KCNN2: variants seen among roughly 807,000 people sequenced by gnomAD.
KCNN2 encodes potassium calcium-activated channel subfamily N member 2.
In KCNN2, 24 loss-of-function variants were observed where a neutral mutation model predicts 55.5. The ratio of observed to expected loss-of-function variants is 0.43; its 90% CI spans 0.31 to 0.61. The LOEUF is 0.61. Ranked by LOEUF, KCNN2 falls within the 20% of genes least tolerant of loss-of-function variation. The pLI is 0.08. For synonymous variants in KCNN2, 431 were observed against 336.1 expected, an observed-to-expected ratio of 1.28 and a Z score of -3.09; for missense variants, 754 against 853.6, an observed-to-expected ratio of 0.88 and a Z score of 1.45.
upstream of KCNN2, among the ~76,000 whole-genome samples, chr5:114,360,721 A>C (rs561039237): frequency 1.4e-3 from 219 of 152,322 alleles, no homozygotes; most frequent in African/African-American, 5.1e-3. Context: ...GAGAGTAAAT[A>C]AATAAATAAT....
chr5:114,383,168 T>TA (rs1372801861), intron 2 of KCNN2, among the ~76,000 whole-genome samples: 1 of 152,188 alleles, frequency 6.6e-6, no homozygotes, highest in East Asian at 1.9e-4. Context: ...TTTGTGCAGT[T>TA]ACCTGAAGGG....
At chr5:114,412,994 T>A (rs916169170) in intron 3 of KCNN2, among the ~76,000 whole-genome samples, 2 of 152,206 alleles carry the variant, frequency 1.3e-5, no homozygotes, top group African/African-American at 4.8e-5. Flanking sequence ...ATGTAATACT[T>A]TGTAAACTTG....
intron 3 of KCNN2, among the ~76,000 whole-genome samples, chr5:114,429,818 C>CTTTTTTTT (rs61595962): frequency 1.4e-5 from 1 of 71,242 alleles, no homozygotes; most frequent in Non-Finnish European, 2.5e-5. Context: ...TATATAGATG[C>CTTTTTTTT]TTTTTTTTTT....
intron 2 of KCNN2, among the ~76,000 whole-genome samples, chr5:114,392,343 A>C (rs939240829): frequency 1.3e-5 from 2 of 152,188 alleles, no homozygotes; most frequent in Non-Finnish European, 2.9e-5. Flanking sequence ...TCTAAGCCTT[A>C]GTTTTCTTCG....
At chr5:114,164,328 A>T (rs1377372038) in intron 1 of KCNN2, among the ~76,000 whole-genome samples, 1 of 152,146 alleles carries the variant, frequency 6.6e-6, no homozygotes, top group Non-Finnish European at 1.5e-5. Context: ...CCTTTAACTG[A>T]CCTAGGTTTA....
chr5:114,072,448 A>C (rs915814779), intron 1 of KCNN2, among the ~76,000 whole-genome samples: 1 of 152,148 alleles, frequency 6.6e-6, no homozygotes, highest in African/African-American at 2.4e-5. Flanking sequence ...CTATGCATAA[A>C]ATGGCAGGTA....
At chr5:114,096,756 C>G (rs1751263992) in intron 1 of KCNN2, among the ~76,000 whole-genome samples, 2 of 152,144 alleles carry the variant, frequency 1.3e-5, no homozygotes, top group South Asian at 4.1e-4. Context: ...GGAGACTCTG[C>G]CACAGAAACC....
intron 2 of KCNN2, among the ~76,000 whole-genome samples, chr5:114,389,649 A>G (rs56864172): frequency 1.3e-5 from 2 of 152,260 alleles, no homozygotes; most frequent in South Asian, 2.1e-4. Flanking sequence ...GTGAGGTTCT[A>G]TACAACTGAA....
intron 2 of KCNN2, among the ~76,000 whole-genome samples, chr5:114,393,330 A>C (rs576905886): frequency 1.3e-5 from 2 of 152,180 alleles, no homozygotes; most frequent in Non-Finnish European, 2.9e-5. Flanking sequence ...TAATGGCTCA[A>C]GGATTTGTCT....
At chr5:114,289,156 G>A (rs981910371) in intron 2 of KCNN2, among the ~76,000 whole-genome samples, 1 of 152,064 alleles carries the variant, frequency 6.6e-6, no homozygotes, top group Non-Finnish European at 1.5e-5. Flanking sequence ...ATTAGTAATA[G>A]AAGTATGGGT....
chr5:114,409,215 GA>G (rs149279826), intron 3 of KCNN2, among the ~76,000 whole-genome samples: 13 of 151,348 alleles, frequency 8.6e-5, no homozygotes, highest in East Asian at 1.9e-4. Context: ...ATGTGTAAAA[GA>G]AAAAAAAATT....
At chr5:114,143,289 T>C (rs1452430446) in intron 1 of KCNN2, among the ~76,000 whole-genome samples, 2 of 152,128 alleles carry the variant, frequency 1.3e-5, no homozygotes, top group African/African-American at 4.8e-5. Flanking sequence ...AGTGTGTGCA[T>C]CAGTAATTTC....
rs182817504 is a variant in KCNN2, at chr5:114,277,320, G to C, written c.-185+55755G>C. Among the ~76,000 whole-genome samples the C allele has an allele frequency of 6.8e-4, 103 of 152,154 alleles. 1 individual carries two copies. The South Asian group carries it at 8.3e-3, about 12-fold the overall frequency. On this transcript the variant is annotated intron_variant, in intron 2 of 10. Coordinates refer to the KCNN2 transcript ENST00000512097. ...GAATCTGACAATTATGTGTCTTGGG[G>C]TTTCTCTTCTTGAGAATTATCTTTG...
At chr5:114,146,892 G>T (rs1752409747) in intron 1 of KCNN2, among the ~76,000 whole-genome samples, 1 of 152,186 alleles carries the variant, frequency 6.6e-6, no homozygotes, top group Non-Finnish European at 1.5e-5. Context: ...GATGAAAAAG[G>T]GGTGGTTTCA....
intron 2 of KCNN2, among the ~76,000 whole-genome samples, chr5:114,248,592 A>G (rs1449527021): frequency 6.6e-6 from 1 of 152,216 alleles, no homozygotes; most frequent in Non-Finnish European, 1.5e-5. Flanking sequence ...AAAGCAAAAA[A>G]TAAGTGTACA....
At chr5:114,410,208 C>G (rs1004675178) in intron 3 of KCNN2, among the ~76,000 whole-genome samples, 1 of 152,132 alleles carries the variant, frequency 6.6e-6, no homozygotes, top group Non-Finnish European at 1.5e-5. Flanking sequence ...AGCTTGGGGT[C>G]CTGAAGATTG....
chr5:114,472,625 G>T (rs1034454599), intron 4 of KCNN2, among the ~76,000 whole-genome samples: 10 of 152,198 alleles, frequency 6.6e-5, no homozygotes, highest in Admixed American at 2.0e-4. Flanking sequence ...TTGAAGGCCT[G>T]CTGATCTCAT....
intron 3 of KCNN2, among the ~76,000 whole-genome samples, chr5:114,429,699 T>A (rs1759733527): frequency 6.6e-6 from 1 of 151,998 alleles, no homozygotes. Context: ...CTAGATTTTC[T>A]CCTAATATAT....
chr5:114,435,627 AAAAG>A (rs1292884885), intron 3 of KCNN2, among the ~76,000 whole-genome samples: 1 of 152,130 alleles, frequency 6.6e-6, no homozygotes, highest in East Asian at 1.9e-4. Flanking sequence ...CTCTAAAAAA[AAAAG>A]ATGATTTAGA....
Sources: gnomAD v4.1 joint callset for allele counts (sites outside exome capture counted in the v4.1 genomes callset) on GRCh38, gnomAD v4.1.1 for gene constraint, MANE v1.5 for transcripts, NCBI Gene and HGNC (gene_info 2026-07-23, HGNC 2026-07-21) for gene names.